Variants in NAALADL2 observed in about 807,000 individuals in gnomAD.
NAALADL2 encodes the protein N-acetylated alpha-linked acidic dipeptidase like 2, also known as inactive N-acetylated-alpha-linked acidic dipeptidase-like protein 2.
In NAALADL2, 76 loss-of-function variants were observed where a neutral mutation model predicts 87.2. The ratio of observed to expected loss-of-function variants is 0.87; its 90% confidence interval spans 0.72 to 1.05. The LOEUF (loss-of-function observed/expected upper bound fraction) is 1.05, where lower values mean the gene tolerates loss of function less well. NAALADL2 is among the 50% of genes least tolerant of loss of function. The pLI is 0.00. For missense variants in NAALADL2, 1,089 were observed against 945.8 expected (o/e 1.15, Z -1.99); for synonymous variants, 354 against 331.0 (o/e 1.07, Z -0.75).
chr3:175,013,386 C>T (rs184539660), intron 1 of NAALADL2, among the ~76,000 whole-genome samples: 2 of 138,300 alleles, frequency 1.4e-5, no homozygotes, highest in Admixed American at 7.7e-5. Context: ...GAAACCTCCA[C>T]CTCCTGGGTT....
intron 1 of NAALADL2, among the ~76,000 whole-genome samples, chr3:175,087,458 G>C (rs768260733): frequency 6.6e-6 from 1 of 152,182 alleles, no homozygotes; most frequent in Non-Finnish European, 1.5e-5. Context: ...CGGTTTTGTC[G>C]AATAGAAAAA....
intron 1 of NAALADL2, among the ~76,000 whole-genome samples, chr3:175,086,264 T>C (rs1440516434): frequency 1.3e-5 from 2 of 152,188 alleles, no homozygotes; most frequent in Non-Finnish European, 2.9e-5. Context: ...GAAATGAACT[T>C]TTTATGGTCA....
chr3:174,965,977 T>C (rs1164566908), intron 1 of NAALADL2, among the ~76,000 whole-genome samples: 2 of 152,134 alleles, frequency 1.3e-5, no homozygotes, highest in Non-Finnish European at 2.9e-5. Context: ...CTATGGAAGT[T>C]AAGTAGGATT....
chr3:174,751,455 G>C (rs1734809060), intron 3 of NAALADL2, among the ~76,000 whole-genome samples: 1 of 152,018 alleles, frequency 6.6e-6, no homozygotes, highest in African/African-American at 2.4e-5. Context: ...CTGAGGTCAG[G>C]AGTTCGAGAC....
chr3:175,007,370 A>G (rs1749174548), intron 1 of NAALADL2, among the ~76,000 whole-genome samples: 1 of 152,152 alleles, frequency 6.6e-6, no homozygotes, highest in Admixed American at 6.5e-5. Context: ...TGTGAGGCTG[A>G]CTTAGGTAGA....
chr3:174,924,478 T>C (rs1392986211), intron 1 of NAALADL2, among the ~76,000 whole-genome samples: 1 of 152,070 alleles, frequency 6.6e-6, no homozygotes, highest in African/African-American at 2.4e-5. Flanking sequence ...ACATTTGGGT[T>C]GGTTCCAAGT....
chr3:175,727,242 A>G (rs1205403975), intron 11 of NAALADL2, among the ~76,000 whole-genome samples: 5 of 152,148 alleles, frequency 3.3e-5, no homozygotes, highest in Non-Finnish European at 7.4e-5. Context: ...TGTTGGAGGC[A>G]TGGTGGTGAC....
intron 2 of NAALADL2, among the ~76,000 whole-genome samples, chr3:175,176,534 C>A (rs924257288): frequency 7.2e-5 from 11 of 152,040 alleles, no homozygotes; most frequent in African/African-American, 2.4e-4. Context: ...CCTTGCATGG[C>A]AAATGAAATA....
chr3:174,681,493 T>C (rs1320675212), intron 2 of NAALADL2, among the ~76,000 whole-genome samples: 1 of 152,012 alleles, frequency 6.6e-6, no homozygotes, highest in Non-Finnish European at 1.5e-5. Context: ...GCAACTTGGA[T>C]AGTAGCTCAA....
At chr3:174,690,310 C>G (rs1164239957) in intron 2 of NAALADL2, among the ~76,000 whole-genome samples, 4 of 152,102 alleles carry the variant, frequency 2.6e-5, no homozygotes, top group African/African-American at 7.2e-5. Flanking sequence ...GATATTTTCC[C>G]TTTCATACTT....
chr3:174,443,482 T>A (rs1050710794), intron 1 of NAALADL2, among the ~76,000 whole-genome samples: 2 of 152,148 alleles, frequency 1.3e-5, no homozygotes, highest in Non-Finnish European at 2.9e-5. Flanking sequence ...GTAATTGGGA[T>A]TAAGAATCTG....
intron 2 of NAALADL2, among the ~76,000 whole-genome samples, chr3:174,652,363 A>G (rs911625929): frequency 6.6e-6 from 1 of 152,204 alleles, no homozygotes; most frequent in African/African-American, 2.4e-5. Context: ...ATAATGTATT[A>G]GTTTGTTCTC....
intron 3 of NAALADL2, among the ~76,000 whole-genome samples, chr3:174,807,668 T>A (rs1297876696): frequency 6.6e-6 from 1 of 152,148 alleles, no homozygotes; most frequent in Non-Finnish European, 1.5e-5. Context: ...TATTTATTTC[T>A]TTCCCTTGTT....
chr3:175,281,488 G>A (rs2110082463), intron 4 of NAALADL2, among the ~76,000 whole-genome samples: 1 of 151,824 alleles, frequency 6.6e-6, no homozygotes, highest in Non-Finnish European at 1.5e-5. Flanking sequence ...TGATCAATTT[G>A]ATAAACCTCA....
chr3:174,805,514 A>G (rs184160850), intron 3 of NAALADL2, among the ~76,000 whole-genome samples: 4 of 152,276 alleles, frequency 2.6e-5, no homozygotes, highest in African/African-American at 7.2e-5. Context: ...TTAACTGCTA[A>G]TACTTAAAAA....
At chr3:175,603,861 T>G (rs1366917876) in intron 10 of NAALADL2, among the ~76,000 whole-genome samples, 1 of 152,038 alleles carries the variant, frequency 6.6e-6, no homozygotes, top group Non-Finnish European at 1.5e-5. Context: ...AGGCTTTGTG[T>G]CACACACCGT....
At chr3:175,207,684 G>A (rs1356462819) in intron 2 of NAALADL2, among the ~76,000 whole-genome samples, 1 of 151,908 alleles carries the variant, frequency 6.6e-6, no homozygotes, top group Admixed American at 6.6e-5. Flanking sequence ...CCTTCATTTA[G>A]TGTTCCAGTG....
chr3:174,705,764 C>T lies in NAALADL2; in HGVS notation c.-114-31877C>T, dbSNP rs369441986. 5.1e-3 allele frequency among the ~76,000 whole-genome samples: 652 copies of T among 127,618 alleles called. 6 individuals carry two copies. The highest frequency in any genetic ancestry group is 0.019 in the African/African-American group (626 of 32,958). The allele number at this position is 127,618 out of a possible 152,430, so 83.7% of individuals were successfully genotyped here. A position where few individuals can be genotyped will look rare whatever the true frequency, so the allele number is the denominator to read the frequency against. ...CGCCACTGCACTCCAGCCTGGGCGA[C>T]AGAGCGAGACTCCGTCTCAAAAAAA... On this transcript the variant is annotated intron_variant, in intron 2 of 3. Coordinates refer to the NAALADL2 transcript ENST00000434257.
intron 1 of NAALADL2, among the ~76,000 whole-genome samples, chr3:174,974,082 G>T (rs1157880413): frequency 6.6e-6 from 1 of 152,146 alleles, no homozygotes; most frequent in Non-Finnish European, 1.5e-5. Context: ...TTTTGTCACT[G>T]ATCCAACTTT....
Sources: gnomAD v4.1 joint callset for allele counts (sites outside exome capture counted in the v4.1 genomes callset) on GRCh38, gnomAD v4.1.1 for gene constraint, MANE v1.5 for transcripts, NCBI Gene and HGNC (gene_info 2026-07-23, HGNC 2026-07-21) for gene names.